The following MINDY3 variants were observed in gnomAD, a reference collection of about 807,000 sequenced individuals.
The protein encoded by MINDY3 is MINDY lysine 48 deubiquitinase 3, also known as ubiquitin carboxyl-terminal hydrolase MINDY-3.
MINDY3 carries 38 observed loss-of-function variants against 69.2 expected under a neutral mutation model. That is an observed-to-expected ratio of 0.55 (90% CI 0.42 to 0.72). The LOEUF is 0.72. Among genes scored for constraint, MINDY3 ranks in the 30% least tolerant of loss-of-function variants. The probability of loss-of-function intolerance (pLI) is 0.00; values close to 1 mark genes in which losing one functional copy is unlikely to be tolerated. For missense variants in MINDY3, 522 were observed against 519.0 expected (o/e 1.01, Z -0.06); for synonymous variants, 192 against 180.1 (o/e 1.07, Z -0.53).
chr10:15,840,376 C>T (rs1538562), intron 4 of MINDY3, among the ~76,000 whole-genome samples: 146,671 of 151,706 alleles, frequency 0.97, 70,913 homozygotes, highest in East Asian at 1. Context: ...TATAGCTGTT[C>T]AAATGTTCAA....
At position 15,778,296 on chromosome 10, in the gene MINDY3, T is replaced by G. The variant is rs1836262334; in HGVS notation, c.*696A>C. The G allele has an allele frequency of 6.6e-6, 1 of 152,234 alleles. No individual in the cohort carries two copies. The highest frequency in any genetic ancestry group is 1.5e-5 in the Non-Finnish European group (1 of 68,052). The allele number at this position is 152,234 out of a possible 1,614,324, so 9.4% of individuals were successfully genotyped here. A position where few individuals can be genotyped will look rare whatever the true frequency, so the allele number is the denominator to read the frequency against. ...TTTATAAATATAGAAGAAAGCTGGC[T>G]TACAGGGCTGTTGGGACAAATTTGG... On this transcript the variant is annotated 3_prime_UTR_variant, in exon 15 of 15. Coordinates refer to ENST00000277632, the MANE Select transcript of MINDY3 (RefSeq NM_024948.4).
chr10:15,845,882 G>C (rs1353374121), intron 2 of MINDY3, among the ~76,000 whole-genome samples: 1 of 145,234 alleles, frequency 6.9e-6, no homozygotes, highest in African/African-American at 2.6e-5. Context: ...GAGTGCAGTG[G>C]CGTGATCTCG....
chr10:15,853,592 A>G (rs1006877237), intron 1 of MINDY3, among the ~76,000 whole-genome samples: 1 of 152,130 alleles, frequency 6.6e-6, no homozygotes, highest in Non-Finnish European at 1.5e-5. Flanking sequence ...TCTTGAATAC[A>G]ATGTCTTTTT....
chr10:15,813,978 C>CAAAAA (rs777561427), intron 10 of MINDY3, among the ~76,000 whole-genome samples: 21 of 66,238 alleles, frequency 3.2e-4, no homozygotes, highest in African/African-American at 1.1e-3. Context: ...CACCAAAACT[C>CAAAAA]AAAAAAAAAA....
chr10:15,815,666 T>G (rs1483214526), intron 10 of MINDY3, among the ~76,000 whole-genome samples: 1 of 152,000 alleles, frequency 6.6e-6, no homozygotes, highest in East Asian at 1.9e-4. Context: ...ATACTAAAAA[T>G]GATGATGATG....
intron 9 of MINDY3, among the ~76,000 whole-genome samples, chr10:15,821,062 A>G (rs1335369489): frequency 6.6e-6 from 1 of 152,244 alleles, no homozygotes; most frequent in Non-Finnish European, 1.5e-5. Flanking sequence ...ACTATTTACA[A>G]TACCCATTTC....
At chr10:15,860,085 G>T in intron 1 of MINDY3, 121 bp downstream of exon 1, 2 of 738,512 alleles carry the variant, frequency 2.7e-6, no homozygotes, top group Non-Finnish European at 4.6e-6. Flanking sequence ...CTTCAGCGCT[G>T]AGCACGGCGA....
rs1243683735 is a variant in MINDY3 at position 15,847,933 on chromosome 10, A to G, written c.105T>C (p.Phe35=). 13 of 1,613,718 alleles carry G rather than the reference A, an allele frequency of 8.1e-6. No homozygotes were observed. The highest frequency in any genetic ancestry group is 1.1e-5 in the Non-Finnish European group (13 of 1,179,626). Residue 35 remains phenylalanine, a synonymous_variant, in exon 2 of 15, where the codon TTT becomes TTC. Transcript: ENST00000277632. ...IFCRWTQGFV[F]SESEGSALEQ... is the part of the protein sequence containing the mutation. ...CTAATGCAGATCCCTCTGATTCACT[A>G]AACACAAACCCTAAAAATGAAAGCA...
At chr10:15,805,679 A>G (rs1838589605) in intron 10 of MINDY3, among the ~76,000 whole-genome samples, 1 of 152,158 alleles carries the variant, frequency 6.6e-6, no homozygotes, top group African/African-American at 2.4e-5. Flanking sequence ...CCAGAGAAAT[A>G]CAACTGGGAG....
chr10:15,837,428 G>C, intron 5 of MINDY3, 110 bp from the exon 6 acceptor site: 1 of 1,240,972 alleles, frequency 8.1e-7, no homozygotes, highest in Non-Finnish European at 1.1e-6. Context: ...ATACAAACAG[G>C]AAAGTTTTGG....
chr10:15,833,603 G>A (rs550826094), intron 8 of MINDY3, 27 bp downstream of exon 8: 87 of 1,375,980 alleles, frequency 6.3e-5, no homozygotes, highest in Non-Finnish European at 8.6e-5. Context: ...TCATCAAAGA[G>A]AGCAACATAA....
chr10:15,809,997 T>C (rs1838890693), intron 10 of MINDY3, among the ~76,000 whole-genome samples: 2 of 152,160 alleles, frequency 1.3e-5, no homozygotes, highest in Non-Finnish European at 2.9e-5. Flanking sequence ...TTACAACCTC[T>C]TCATAAAATT....
At chr10:15,829,719 A>T (rs1194497082) in intron 8 of MINDY3, among the ~76,000 whole-genome samples, 1 of 152,252 alleles carries the variant, frequency 6.6e-6, no homozygotes. Flanking sequence ...AGAAAGCTAT[A>T]GCATGATAGT....
chr10:15,841,074 A>T (rs1833434033), intron 4 of MINDY3, among the ~76,000 whole-genome samples: 1 of 151,498 alleles, frequency 6.6e-6, no homozygotes, highest in South Asian at 2.1e-4. Flanking sequence ...TGTCCAAAAA[A>T]ATCCGTTTTT....
At chr10:15,856,926 C>G (rs762772044) in intron 1 of MINDY3, among the ~76,000 whole-genome samples, 34 of 152,118 alleles carry the variant, frequency 2.2e-4, no homozygotes, top group Admixed American at 6.5e-4. Context: ...GCCATTGTCT[C>G]TTATCTGATC....
intron 9 of MINDY3, among the ~76,000 whole-genome samples, chr10:15,820,955 AT>A (rs869245288): frequency 2.0e-5 from 3 of 152,152 alleles, no homozygotes; most frequent in Admixed American, 6.6e-5. Flanking sequence ...ATTTAAAAAA[AT>A]TTTTTTAATG....
intron 10 of MINDY3, among the ~76,000 whole-genome samples, chr10:15,812,236 C>T (rs550505240): frequency 3.3e-5 from 5 of 152,248 alleles, no homozygotes; most frequent in African/African-American, 4.8e-5. Flanking sequence ...CCCCTGCGCC[C>T]GGCCAATTCT....
At chr10:15,794,786 T>G (rs998778626) in intron 11 of MINDY3, among the ~76,000 whole-genome samples, 1 of 152,102 alleles carries the variant, frequency 6.6e-6, no homozygotes, top group Admixed American at 6.6e-5. Flanking sequence ...AGCTACTACT[T>G]ATGACAACTG....
intron 1 of MINDY3, among the ~76,000 whole-genome samples, chr10:15,858,383 C>A (rs1389511780): frequency 6.6e-6 from 1 of 152,092 alleles, no homozygotes; most frequent in Non-Finnish European, 1.5e-5. Flanking sequence ...TAATGATTAG[C>A]CATCAAATAA....
Sources: gnomAD v4.1 joint callset for allele counts (sites outside exome capture counted in the v4.1 genomes callset) on GRCh38, gnomAD v4.1.1 for gene constraint, MANE v1.5 for transcripts, NCBI Gene and HGNC (gene_info 2026-07-23, HGNC 2026-07-21) for gene names.